PBX3: variants seen among roughly 807,000 people sequenced by gnomAD.
The protein encoded by PBX3 is pre-B-cell leukemia transcription factor 3.
In PBX3, 14 loss-of-function variants were observed where a neutral mutation model predicts 48.5. That is an observed-to-expected ratio of 0.29 (90% CI 0.19 to 0.45). The LOEUF (loss-of-function observed/expected upper bound fraction) is 0.45, where lower values mean the gene tolerates loss of function less well. Among genes scored for constraint, PBX3 ranks in the 20% least tolerant of loss-of-function variants. The pLI, the probability that PBX3 is intolerant of heterozygous loss-of-function variation, is 1.00. For missense variants in PBX3, 386 were observed against 546.7 expected (o/e 0.71, Z 2.93); for synonymous variants, 210 against 200.3 (o/e 1.05, Z -0.41).
intron 5 of PBX3, among the ~76,000 whole-genome samples, chr9:125,954,145 A>T (rs1285175463): frequency 6.6e-6 from 1 of 152,242 alleles, no homozygotes; most frequent in Non-Finnish European, 1.5e-5. Context: ...CCAACAAGAG[A>T]CATTATGAAA....
At chr9:125,907,276 A>C (rs779090063) in intron 2 of PBX3, among the ~76,000 whole-genome samples, 53 of 152,070 alleles carry the variant, frequency 3.5e-4, no homozygotes, top group Admixed American at 6.6e-4. Flanking sequence ...TTGATATATA[A>C]AAATGCCAGA....
At chr9:125,890,461 A>G (rs1435916062) in intron 2 of PBX3, among the ~76,000 whole-genome samples, 11 of 152,192 alleles carry the variant, frequency 7.2e-5, no homozygotes, top group Admixed American at 6.5e-4. Flanking sequence ...GTGATGGGAA[A>G]TTATTACCTC....
At chr9:125,805,947 A>G (rs1404227987) in intron 2 of PBX3, among the ~76,000 whole-genome samples, 2 of 152,238 alleles carry the variant, frequency 1.3e-5, no homozygotes, top group African/African-American at 2.4e-5. Flanking sequence ...TTAGCTTGCA[A>G]TGGGAGAAAT....
chr9:125,751,053 A>G lies in PBX3; in HGVS notation c.274+2430A>G, dbSNP rs185518615. On this transcript the variant is annotated intron_variant, in intron 2 of 8. Coordinates refer to ENST00000373489, the MANE Select transcript of PBX3 (RefSeq NM_006195.6). ...CCATAGTCGGTCATGCTTTAGAAAC[A>G]TGAACTTATAAAAGAAACATTGTAG... is the stretch of plus-strand genomic sequence containing the variant. Among the ~76,000 whole-genome samples, 215 of 152,360 alleles carry G rather than the reference A, an allele frequency of 1.4e-3. 6 individuals are homozygous for G. The highest frequency in any genetic ancestry group is 0.011 in the Admixed American group (169 of 15,310).
rs578228012 is a variant in PBX3 at position 125,777,446 on chromosome 9, C to G, written c.274+28823C>G. Among the ~76,000 whole-genome samples, 362 of 152,102 alleles carry G rather than the reference C, an allele frequency of 2.4e-3. 2 individuals are homozygous for G. The highest frequency in any genetic ancestry group is 8.3e-3 in the African/African-American group (345 of 41,462). ...TCTGGGCTCACTGCAACCTCCACCCCCTGGGTTCAAGCAATTCTCCTGCCT... is the reference window on the plus strand; with the variant it reads ...TCTGGGCTCACTGCAACCTCCACCCGCTGGGTTCAAGCAATTCTCCTGCCT... On this transcript the variant is annotated intron_variant, in intron 2 of 8. Transcript: ENST00000373489.
chr9:125,750,365 A>T (rs1836337515), intron 2 of PBX3, among the ~76,000 whole-genome samples: 2 of 152,300 alleles, frequency 1.3e-5, no homozygotes, highest in South Asian at 4.1e-4. Context: ...TAGCTTGAGA[A>T]CTAAACCCAG....
At chr9:125,802,752 C>T (rs1165520694) in intron 2 of PBX3, among the ~76,000 whole-genome samples, 1 of 151,672 alleles carries the variant, frequency 6.6e-6, no homozygotes, top group Non-Finnish European at 1.5e-5. Context: ...GATCTCGGCT[C>T]AGTGCAACCT....
chr9:125,833,224 G>C (rs769173289), intron 2 of PBX3, among the ~76,000 whole-genome samples: 19 of 152,138 alleles, frequency 1.2e-4, no homozygotes, highest in Non-Finnish European at 2.2e-4. Context: ...GGTGACTCAT[G>C]CCTGTAATCC....
At chr9:125,845,349 G>A (rs115809062) in intron 2 of PBX3, among the ~76,000 whole-genome samples, 3,090 of 152,014 alleles carry the variant, frequency 0.02, 115 homozygotes, top group African/African-American at 0.069. Context: ...CATACATTAC[G>A]CTTTGAAAAA....
At chr9:125,871,015 C>T (rs962114633) in intron 2 of PBX3, among the ~76,000 whole-genome samples, 4 of 152,148 alleles carry the variant, frequency 2.6e-5, no homozygotes, top group Non-Finnish European at 4.4e-5. Context: ...AGCAATTCCA[C>T]TTCTAGATAT....
chr9:125,871,565 T>C (rs1290684606), intron 2 of PBX3, among the ~76,000 whole-genome samples: 1 of 152,014 alleles, frequency 6.6e-6, no homozygotes, highest in Non-Finnish European at 1.5e-5. Context: ...GAAAACATTA[T>C]ATAATTCCAT....
chr9:125,784,174 G>A (rs1837399325), intron 2 of PBX3, among the ~76,000 whole-genome samples: 3 of 152,068 alleles, frequency 2.0e-5, no homozygotes, highest in Admixed American at 1.3e-4. Flanking sequence ...TTTCTCCCAG[G>A]CTGGAGTACA....
intron 2 of PBX3, among the ~76,000 whole-genome samples, chr9:125,779,899 C>T (rs1329044770): frequency 8.0e-6 from 1 of 125,564 alleles, no homozygotes; most frequent in Admixed American, 7.8e-5. Flanking sequence ...CTGACCCCCC[C>T]ACCTCCCTCC....
intron 8 of PBX3, among the ~76,000 whole-genome samples, chr9:125,963,442 C>T (rs532003425): frequency 2.0e-5 from 3 of 152,246 alleles, no homozygotes; most frequent in Admixed American, 6.5e-5. Flanking sequence ...AATTCCCAAA[C>T]AGAACTCAGG....
At chr9:125,758,990 T>C (rs1431810990) in intron 2 of PBX3, among the ~76,000 whole-genome samples, 1 of 152,156 alleles carries the variant, frequency 6.6e-6, no homozygotes, top group Non-Finnish European at 1.5e-5. Flanking sequence ...GTTAAGTAAT[T>C]TGTCCCTGAT....
intron 2 of PBX3, among the ~76,000 whole-genome samples, chr9:125,794,919 G>A (rs1430719144): frequency 6.6e-6 from 1 of 152,152 alleles, no homozygotes; most frequent in Non-Finnish European, 1.5e-5. Context: ...TGTTTGCACT[G>A]AATGAGCCAT....
intron 2 of PBX3, among the ~76,000 whole-genome samples, chr9:125,791,475 G>A (rs1837607983): frequency 1.3e-5 from 2 of 152,018 alleles, no homozygotes; most frequent in South Asian, 4.1e-4. Flanking sequence ...ATCATGGGGG[G>A]AGATTTCCCT....
At chr9:125,783,490 G>A (rs148199300) in intron 2 of PBX3, among the ~76,000 whole-genome samples, 3,089 of 152,042 alleles carry the variant, frequency 0.02, 169 homozygotes, top group East Asian at 0.17. Context: ...GTTTCACCAC[G>A]TTGGCCAGGC....
chr9:125,748,367 C>T, intron 1 of PBX3, 183 bp from the exon 2 acceptor site: 1 of 1,319,752 alleles, frequency 7.6e-7, no homozygotes, highest in Non-Finnish European at 9.8e-7. Context: ...CTGCAGCTTT[C>T]GCCGCCGGGG....
Sources: gnomAD v4.1 joint callset for allele counts (sites outside exome capture counted in the v4.1 genomes callset) on GRCh38, gnomAD v4.1.1 for gene constraint, MANE v1.5 for transcripts, NCBI Gene and HGNC (gene_info 2026-07-23, HGNC 2026-07-21) for gene names.